The following KIAA1671 variants were observed in gnomAD, a reference collection of about 807,000 sequenced individuals.
KIAA1671 encodes KIAA1671.
In KIAA1671, 52 loss-of-function variants were observed where a neutral mutation model predicts 131.2. The ratio of observed to expected loss-of-function variants is 0.40; its 90% confidence interval spans 0.32 to 0.50. The LOEUF (loss-of-function observed/expected upper bound fraction) is 0.50, where lower values mean the gene tolerates loss of function less well. KIAA1671 is among the 20% of genes least tolerant of loss of function. The pLI, the probability that KIAA1671 is intolerant of heterozygous loss-of-function variation, is 0.73. For synonymous variants in KIAA1671, 1,003 were observed against 961.6 expected, an observed-to-expected ratio of 1.04 and a Z score of -0.80; for missense variants, 2,360 against 2,364.2, an observed-to-expected ratio of 1.00 and a Z score of 0.04.
chr22:25,093,486 G>A (rs1930120435), intron 6 of KIAA1671, among the ~76,000 whole-genome samples: 1 of 152,142 alleles, frequency 6.6e-6, no homozygotes, highest in Non-Finnish European at 1.5e-5. Flanking sequence ...TTTCCATTAA[G>A]TGACACTCAC....
chr22:24,968,443 G>T (rs1922418180), intron 1 of KIAA1671, among the ~76,000 whole-genome samples: 1 of 152,148 alleles, frequency 6.6e-6, no homozygotes. Context: ...CGCCACCTGG[G>T]TCCGGAGCCA....
intron 4 of KIAA1671, among the ~76,000 whole-genome samples, chr22:25,036,764 CA>C (rs1189601603): frequency 2.2e-4 from 32 of 147,480 alleles, no homozygotes; most frequent in East Asian, 3.9e-4. Context: ...ACTAAAAATA[CA>C]AAAAAAAAAT....
intron 6 of KIAA1671, chr22:25,070,021 G>C (rs532588546): frequency 4.2e-6 from 1 of 238,256 alleles, no homozygotes; most frequent in African/African-American, 2.2e-5. Context: ...CCTTCTTGCC[G>C]TACAACTGAA....
At chr22:24,959,348 A>G (rs1294141860) in intron 1 of KIAA1671, among the ~76,000 whole-genome samples, 1 of 151,848 alleles carries the variant, frequency 6.6e-6, no homozygotes, top group Non-Finnish European at 1.5e-5. Flanking sequence ...TCTACTAAAA[A>G]AAAATAAAAA....
chr22:25,137,262 C>T (rs542664818), intron 6 of KIAA1671, among the ~76,000 whole-genome samples: 3 of 152,202 alleles, frequency 2.0e-5, no homozygotes, highest in South Asian at 4.2e-4. Context: ...GTTTCCAACA[C>T]GAAATTGTTA....
Position 24,971,083 on chromosome 22 carries a change from G to A in KIAA1671, c.-208+18311G>A, listed in dbSNP as rs145115301. Among the ~76,000 whole-genome samples, 101 of 152,128 alleles carry A rather than the reference G, an allele frequency of 6.6e-4. 1 individual carries two copies. In the East Asian group the frequency reaches 0.015, roughly 23 times the overall value. ...AGTGATTCTCCTGCTTCAGCCTCCC[G>A]AGTAATGGGATTACAGGCACGTGCC... On this transcript the variant is annotated intron_variant, in intron 1 of 12. Coordinates refer to ENST00000358431, the MANE Select transcript of KIAA1671 (RefSeq NM_001145206.2).
At chr22:25,035,197 C>T (rs1387435959) in intron 4 of KIAA1671, among the ~76,000 whole-genome samples, 1 of 151,908 alleles carries the variant, frequency 6.6e-6, no homozygotes, top group Non-Finnish European at 1.5e-5. Flanking sequence ...AGGCACGTGC[C>T]TCTATGCCCA....
At chr22:25,089,750 TAGAC>T (rs1929930217) in intron 6 of KIAA1671, among the ~76,000 whole-genome samples, 1 of 152,248 alleles carries the variant, frequency 6.6e-6, no homozygotes, top group African/African-American at 2.4e-5. Context: ...CAGTTGCCTC[TAGAC>T]AGACATGTCG....
At chr22:25,020,949 G>C (rs1925634891) in intron 1 of KIAA1671, among the ~76,000 whole-genome samples, 1 of 152,156 alleles carries the variant, frequency 6.6e-6, no homozygotes, top group African/African-American at 2.4e-5. Context: ...GAGACACGGG[G>C]GCGTTAAGCA....
At chr22:25,146,494 A>G (rs533593157) in intron 6 of KIAA1671, among the ~76,000 whole-genome samples, 1 of 152,342 alleles carries the variant, frequency 6.6e-6, no homozygotes, top group Non-Finnish European at 1.5e-5. Context: ...CCCAGAGCCA[A>G]CCTTGCTGCC....
chr22:24,976,509 G>T (rs1035079660), intron 1 of KIAA1671, among the ~76,000 whole-genome samples: 3 of 152,198 alleles, frequency 2.0e-5, no homozygotes, highest in African/African-American at 7.2e-5. Flanking sequence ...GTCTGTCCAT[G>T]TTGGGGTGCG....
chr22:24,955,547 G>A (rs551262049), intron 1 of KIAA1671, among the ~76,000 whole-genome samples: 25 of 152,202 alleles, frequency 1.6e-4, no homozygotes, highest in Non-Finnish European at 3.4e-4. Context: ...GGCCAGCCAT[G>A]CTTAGTGGTT....
chr22:25,145,137 G>A (rs573715682), intron 6 of KIAA1671, among the ~76,000 whole-genome samples: 1 of 152,218 alleles, frequency 6.6e-6, no homozygotes, highest in South Asian at 2.1e-4. Flanking sequence ...CAGCCTACCT[G>A]AGGCCTGGGG....
chr22:25,002,056 A>G (rs913994541), intron 1 of KIAA1671, among the ~76,000 whole-genome samples: 4 of 152,156 alleles, frequency 2.6e-5, no homozygotes, highest in Non-Finnish European at 2.9e-5. Context: ...CTGACTGGCA[A>G]GTGTCCCACC....
At chr22:25,151,429 C>CTTTTT (rs67444002) in intron 6 of KIAA1671, among the ~76,000 whole-genome samples, 7 of 104,764 alleles carry the variant, frequency 6.7e-5, no homozygotes, top group African/African-American at 7.9e-5. Flanking sequence ...AACATGAACT[C>CTTTTT]TTTTTTTTTT....
chr22:25,056,421 A>T (rs1479378749), intron 6 of KIAA1671: 1 of 149,082 alleles, frequency 6.7e-6, no homozygotes, highest in Non-Finnish European at 1.5e-5. Context: ...TTAAATCCCA[A>T]CTCTGCTACT....
chr22:25,137,656 A>G (rs1486061545), intron 6 of KIAA1671, among the ~76,000 whole-genome samples: 3 of 152,264 alleles, frequency 2.0e-5, no homozygotes, highest in African/African-American at 7.2e-5. Flanking sequence ...AATGGGGCAC[A>G]GTTTACCAAC....
chr22:25,138,728 C>T, intron 6 of KIAA1671, among the ~76,000 whole-genome samples: 1 of 152,194 alleles, frequency 6.6e-6, no homozygotes, highest in African/African-American at 2.4e-5. Context: ...AAAACATCAA[C>T]CTTCAAATAC....
intron 1 of KIAA1671, among the ~76,000 whole-genome samples, chr22:24,977,227 C>G (rs189289869): frequency 6.6e-6 from 1 of 152,162 alleles, no homozygotes; most frequent in African/African-American, 2.4e-5. Flanking sequence ...GACCTTGCAA[C>G]CTCGGAATTG....
Sources: gnomAD v4.1 joint callset for allele counts (sites outside exome capture counted in the v4.1 genomes callset) on GRCh38, gnomAD v4.1.1 for gene constraint, MANE v1.5 for transcripts, NCBI Gene and HGNC (gene_info 2026-07-23, HGNC 2026-07-21) for gene names.